The following KCNJ12 variants were observed in gnomAD, a reference collection of about 807,000 sequenced individuals.
KCNJ12 encodes the protein ATP-sensitive inward rectifier potassium channel 12.
Under a neutral mutation model 22.3 loss-of-function variants are expected in KCNJ12, and 2 were observed. The observed-to-expected ratio is 0.09, with a 90% CI of 0.04 to 0.28. The LOEUF (loss-of-function observed/expected upper bound fraction) is 0.28, where lower values mean the gene tolerates loss of function less well. Ranked by LOEUF, KCNJ12 falls within the 10% of genes least tolerant of loss-of-function variation. KCNJ12 has a pLI of 1.00. For synonymous variants in KCNJ12, 117 were observed against 261.4 expected, an observed-to-expected ratio of 0.45 and a Z score of 5.33; for missense variants, 155 against 633.3, an observed-to-expected ratio of 0.24 and a Z score of 8.11.
chr17:21,381,802 G>T (rs566753936), intron 1 of KCNJ12, among the ~76,000 whole-genome samples: 19 of 152,206 alleles, frequency 1.2e-4, no homozygotes, highest in Non-Finnish European at 1.5e-5. Context: ...CCTTGGAATA[G>T]GATCTCCTCT....
chr17:21,387,556 G>A (rs1905109738), intron 1 of KCNJ12, among the ~76,000 whole-genome samples: 1 of 152,114 alleles, frequency 6.6e-6, no homozygotes, highest in Non-Finnish European at 1.5e-5. Context: ...GCATCCTCGG[G>A]TGGGTTTCCC....
At chr17:21,407,118 G>A (rs1178339075) in intron 1 of KCNJ12, among the ~76,000 whole-genome samples, 6 of 152,384 alleles carry the variant, frequency 3.9e-5, no homozygotes, top group African/African-American at 9.6e-5. Flanking sequence ...TATCCTACTC[G>A]CCCAAACACC....
At chr17:21,399,806 C>T (rs1175482035) in intron 1 of KCNJ12, among the ~76,000 whole-genome samples, 5 of 152,224 alleles carry the variant, frequency 3.3e-5, no homozygotes, top group African/African-American at 1.2e-4. Flanking sequence ...TTGCCATGGA[C>T]TGGCTGCGTG....
chr17:21,379,666 C>T lies in KCNJ12; in HGVS notation c.-179+2753C>T, dbSNP rs1389758645. Among the ~76,000 whole-genome samples the T allele has an allele frequency of 3.9e-5, 6 of 152,192 alleles. No individual in the cohort carries two copies. In the East Asian group the frequency reaches 9.7e-4, roughly 25 times the overall value. On this transcript the variant is annotated intron_variant, in intron 1 of 2. Coordinates refer to ENST00000583088, the MANE Select transcript of KCNJ12 (RefSeq NM_021012.5). Reference sequence around the variant, plus strand: ...GTGGGGGCTCAGCCCCACGGGATGGCTGTGCCGGGAACTGGCAGCGTGATG... The same window carrying T: ...GTGGGGGCTCAGCCCCACGGGATGGTTGTGCCGGGAACTGGCAGCGTGATG...
At chr17:21,411,394 C>T (rs1449746636) in intron 2 of KCNJ12, among the ~76,000 whole-genome samples, 3 of 152,122 alleles carry the variant, frequency 2.0e-5, no homozygotes, top group Non-Finnish European at 2.9e-5. Context: ...CTGCCGGGCC[C>T]GTGCTCTCTC....
chr17:21,397,975 C>A (rs570300664), intron 1 of KCNJ12, among the ~76,000 whole-genome samples: 1 of 152,260 alleles, frequency 6.6e-6, no homozygotes, highest in African/African-American at 2.4e-5. Flanking sequence ...GCCTTTGAAC[C>A]AAGGCTGTCC....
At chr17:21,401,992 T>C (rs1280041400) in intron 1 of KCNJ12, among the ~76,000 whole-genome samples, 1 of 152,234 alleles carries the variant, frequency 6.6e-6, no homozygotes, top group Non-Finnish European at 1.5e-5. Context: ...GTGTCTGGCA[T>C]GCAGCTTCCT....
chr17:21,380,674 G>A (rs1189370878), intron 1 of KCNJ12, among the ~76,000 whole-genome samples: 2 of 152,110 alleles, frequency 1.3e-5, no homozygotes, highest in African/African-American at 2.4e-5. Flanking sequence ...GAAGGAGGGG[G>A]TGTGAGCATT....
At chr17:21,388,878 A>AAGGTAGAG (rs1467946819) in intron 1 of KCNJ12, among the ~76,000 whole-genome samples, 6 of 152,044 alleles carry the variant, frequency 3.9e-5, no homozygotes, top group Non-Finnish European at 7.4e-5. Context: ...CCCCCGAGGG[A>AAGGTAGAG]AGGTAGAGAC....
intron 2 of KCNJ12, among the ~76,000 whole-genome samples, chr17:21,411,534 C>T (rs1327669930): frequency 1.3e-5 from 2 of 152,430 alleles, no homozygotes; most frequent in Admixed American, 6.5e-5. Context: ...GGGACCCTGG[C>T]AGGCCAACCT....
rs528867540 is a variant in KCNJ12 at position 21,419,524 on chromosome 17, G to A, written c.*2880G>A. ...ATGAGACATCTGGAGGTGAGCGTGT[G>A]CGTCCGGCTCGTGTGTAGGAGGCTG... On this transcript the variant is annotated 3_prime_UTR_variant, in exon 3 of 3. Coordinates refer to ENST00000583088, the MANE Select transcript of KCNJ12 (RefSeq NM_021012.5). 151 of 167,344 alleles carry A rather than the reference G, an allele frequency of 9.0e-4. No homozygotes were observed. The highest frequency in any genetic ancestry group is 2.3e-3 in the South Asian group (11 of 4,820). The allele number at this position is 167,344 out of a possible 1,614,324, so 10.4% of individuals were successfully genotyped here. A position where few individuals can be genotyped will look rare whatever the true frequency, so the allele number is the denominator to read the frequency against.
chr17:21,401,990 C>T (rs1352819730), intron 1 of KCNJ12, among the ~76,000 whole-genome samples: 1 of 152,242 alleles, frequency 6.6e-6, no homozygotes, highest in African/African-American at 2.4e-5. Context: ...TAGTGTCTGG[C>T]ATGCAGCTTC....
intron 1 of KCNJ12, among the ~76,000 whole-genome samples, chr17:21,383,824 T>C (rs1904972509): frequency 6.6e-6 from 1 of 152,106 alleles, no homozygotes; most frequent in Admixed American, 6.5e-5. Context: ...ACCCCTGCCC[T>C]GGGGGGCTGA....
intron 2 of KCNJ12, 46 bp from the exon 3 acceptor site, chr17:21,415,241 C>G (rs575566086): frequency 1.3e-6 from 2 of 1,522,460 alleles, no homozygotes; most frequent in East Asian, 4.9e-5. Flanking sequence ...GGTAGAGGAG[C>G]CCGGAGCCAC....
intron 1 of KCNJ12, among the ~76,000 whole-genome samples, chr17:21,389,511 C>T (rs1015028458): frequency 1.3e-5 from 2 of 152,334 alleles, no homozygotes; most frequent in South Asian, 2.1e-4. Context: ...TTTGTGGTGG[C>T]GGCAGCTTCG....
chr17:21,401,038 G>T (rs1281186045), intron 1 of KCNJ12, among the ~76,000 whole-genome samples: 3 of 152,422 alleles, frequency 2.0e-5, no homozygotes, highest in East Asian at 3.8e-4. Context: ...GGAAGTTGAT[G>T]ATTTTTCCCC....
intron 1 of KCNJ12, among the ~76,000 whole-genome samples, chr17:21,402,739 C>G (rs1905697834): frequency 6.6e-6 from 1 of 152,310 alleles, no homozygotes; most frequent in Non-Finnish European, 1.5e-5. Context: ...AGAGAGCAGA[C>G]AGGTTATGGG....
At chr17:21,380,998 C>G (rs567758602) in intron 1 of KCNJ12, among the ~76,000 whole-genome samples, 1 of 152,224 alleles carries the variant, frequency 6.6e-6, no homozygotes, top group Non-Finnish European at 1.5e-5. Flanking sequence ...TGGGGACCCC[C>G]GCCCAGCCCT....
In KCNJ12 at chr17:21,416,957, C is replaced by T. The variant is rs550492787; in HGVS notation, c.*313C>T. The T allele has an allele frequency of 5.3e-3, 2,467 of 467,854 alleles. No individual in the cohort carries two copies. The highest frequency in any genetic ancestry group is 7.5e-3 in the Non-Finnish European group (1,945 of 258,578). 29.0% of individuals were successfully genotyped at this position (467,854 alleles called of 1,614,324 possible). A position where few individuals can be genotyped will look rare whatever the true frequency, so the allele number is the denominator to read the frequency against. ...CAGCCTGCGGGGAAGCAGCTCAGCT[C>T]GATGGTGGGCCCAGCCTCTGCTGTC... On this transcript the variant is annotated 3_prime_UTR_variant, in exon 3 of 3. Coordinates refer to ENST00000583088, the MANE Select transcript of KCNJ12 (RefSeq NM_021012.5).
Sources: allele counts gnomAD v4.1 joint callset (sites outside exome capture counted in the v4.1 genomes callset), GRCh38; gene constraint gnomAD v4.1.1; transcripts MANE v1.5; gene names NCBI Gene and HGNC (gene_info 2026-07-23, HGNC 2026-07-21).